RBFOX3: variants seen among roughly 807,000 people sequenced by gnomAD.
RBFOX3 encodes RNA binding protein fox-1 homolog 3.
RBFOX3 carries 17 observed loss-of-function variants against 48.7 expected under a neutral mutation model. The ratio of observed to expected loss-of-function variants is 0.35; its 90% CI spans 0.24 to 0.52. The LOEUF is 0.52. RBFOX3 is among the 20% of genes least tolerant of loss of function. The probability of loss-of-function intolerance (pLI) is 0.94; values close to 1 mark genes in which losing one functional copy is unlikely to be tolerated. For synonymous variants in RBFOX3, 212 were observed against 209.5 expected (o/e 1.01, Z -0.10); for missense variants, 382 against 497.5 (o/e 0.77, Z 2.21).
chr17:79,563,372 G>A (rs954340900), intron 1 of RBFOX3, among the ~76,000 whole-genome samples: 41 of 152,346 alleles, frequency 2.7e-4, no homozygotes, highest in East Asian at 1.2e-3. Context: ...CCTCGCTTCC[G>A]TCTGCAAGGA....
chr17:79,148,074 C>G (rs1040429692), intron 4 of RBFOX3, among the ~76,000 whole-genome samples: 9 of 152,068 alleles, frequency 5.9e-5, no homozygotes, highest in African/African-American at 2.2e-4. Context: ...ATTTCCTCAC[C>G]GTGGGACCCC....
intron 3 of RBFOX3, among the ~76,000 whole-genome samples, chr17:79,253,988 T>C (rs1036341730): frequency 1.3e-5 from 2 of 152,098 alleles, no homozygotes; most frequent in African/African-American, 4.8e-5. Flanking sequence ...ACCTAAGCAC[T>C]TTTCTCTTCC....
intron 4 of RBFOX3, among the ~76,000 whole-genome samples, chr17:79,120,577 G>T (rs1599526371): frequency 6.6e-6 from 1 of 151,334 alleles, no homozygotes; most frequent in East Asian, 1.9e-4. Context: ...ATGGATGGGA[G>T]GGTGGATAAA....
intron 4 of RBFOX3, among the ~76,000 whole-genome samples, chr17:79,188,396 A>G (rs2053841654): frequency 6.6e-6 from 1 of 152,248 alleles, no homozygotes; most frequent in South Asian, 2.1e-4. Flanking sequence ...CGGCGTGCAA[A>G]GGAAGTTTAT....
Position 79,418,090 on chromosome 17 carries a change from G to A in RBFOX3, c.-175+64364C>T, listed in dbSNP as rs1343626473. ...GGAAGGGGGCTTCGTGTTTCCTGGGGACAGAGCTTCAGGTTAGAAAGATGA... is the reference window on the plus strand; with the variant it reads ...GGAAGGGGGCTTCGTGTTTCCTGGGAACAGAGCTTCAGGTTAGAAAGATGA... On this transcript the variant is annotated intron_variant, in intron 2 of 14. Transcript: ENST00000693108. This position sits in a 1 kb window ranked among gnomAD's most constrained non-coding sequence, Gnocchi z 5.0. Among the ~76,000 whole-genome samples, 3 of 152,204 alleles carry A rather than the reference G, an allele frequency of 2.0e-5. No homozygotes were observed. Among genetic ancestry groups the A allele is most frequent in the African/African-American group, 7.2e-5 (3 of 41,454 alleles).
rs372982484 is a variant in RBFOX3, at chr17:79,133,255, C to T, written c.-33-17507G>A. ...GAGGCTGCAGGGGAAACCAGAGGAG[C>T]GGGTCCCTGAGGAGGCCTGGGCCCA... On this transcript the variant is annotated intron_variant, in intron 4 of 14. Transcript: ENST00000693108. Among the ~76,000 whole-genome samples the T allele has an allele frequency of 1.0e-3, 159 of 152,250 alleles. 4 individuals are homozygous for T. The South Asian group carries it at 0.032, about 30-fold the overall frequency.
intron 4 of RBFOX3, among the ~76,000 whole-genome samples, chr17:79,139,293 G>A (rs2041406684): frequency 6.6e-6 from 1 of 152,080 alleles, no homozygotes. Context: ...GCAGGGCTGT[G>A]CCCACCCCAG....
At chr17:79,166,969 A>G (rs2048127120) in intron 4 of RBFOX3, among the ~76,000 whole-genome samples, 1 of 152,228 alleles carries the variant, frequency 6.6e-6, no homozygotes, top group Non-Finnish European at 1.5e-5. Flanking sequence ...ACCAGTGGCC[A>G]TGCCTCCGGG....
At chr17:79,182,193 T>C (rs935639621) in intron 4 of RBFOX3, among the ~76,000 whole-genome samples, 1 of 152,102 alleles carries the variant, frequency 6.6e-6, no homozygotes, top group African/African-American at 2.4e-5. Context: ...CCCCTCTCAC[T>C]GGGCCCTGCA....
At chr17:79,407,899 C>G (rs369265973) in intron 2 of RBFOX3, among the ~76,000 whole-genome samples, 2 of 152,178 alleles carry the variant, frequency 1.3e-5, no homozygotes, top group East Asian at 3.9e-4. Context: ...ATATAAAGAC[C>G]TACTATGCAG....
At chr17:79,517,222 G>A (rs1461609679) in intron 1 of RBFOX3, among the ~76,000 whole-genome samples, 1 of 152,058 alleles carries the variant, frequency 6.6e-6, no homozygotes, top group Non-Finnish European at 1.5e-5. Flanking sequence ...GAGGCAGGTG[G>A]ATTACTTAAG....
chr17:79,256,266 G>A (rs115822284), intron 3 of RBFOX3, among the ~76,000 whole-genome samples: 4,521 of 152,024 alleles, frequency 0.03, 66 homozygotes, highest in East Asian at 0.045. Context: ...CCCATAAACC[G>A]ACCCTTCCTT....
chr17:79,527,890 G>A (rs1052811415), intron 1 of RBFOX3, among the ~76,000 whole-genome samples: 4 of 152,170 alleles, frequency 2.6e-5, no homozygotes, highest in African/African-American at 4.8e-5. Flanking sequence ...CAGCAAAGAG[G>A]CCGATGGAGT....
Position 79,366,676 on chromosome 17 carries a change from G to C in RBFOX3, c.-174-58852C>G, listed in dbSNP as rs752342774. Among the ~76,000 whole-genome samples the C allele has an allele frequency of 2.0e-5, 3 of 152,206 alleles. No individual in the cohort carries two copies. The South Asian group carries it at 6.2e-4, about 31-fold the overall frequency. ...CAGCCCAGCATCTGCTCAACTAGAG[G>C]AGGATGAATGCAGGGCCCCAGCCCA... On this transcript the variant is annotated intron_variant, in intron 2 of 14. Coordinates refer to ENST00000693108, the MANE Select transcript of RBFOX3 (RefSeq NM_001350451.2).
At chr17:79,191,678 C>T (rs538066901) in intron 4 of RBFOX3, among the ~76,000 whole-genome samples, 1 of 152,282 alleles carries the variant, frequency 6.6e-6, no homozygotes, top group East Asian at 1.9e-4. Context: ...TCTAACGAAG[C>T]CTCATGGGAG....
chr17:79,149,340 G>A (rs1477704718), intron 4 of RBFOX3, among the ~76,000 whole-genome samples: 2 of 152,180 alleles, frequency 1.3e-5, no homozygotes, highest in African/African-American at 4.8e-5. Flanking sequence ...AGGCAGTGGG[G>A]GGAGTGGGGG....
At chr17:79,508,735 T>TCCGCACACCCCACACACC in intron 1 of RBFOX3, 1 of 151,708 alleles carries the variant, frequency 6.6e-6, no homozygotes, top group African/African-American at 2.4e-5. Context: ...CACCCCACAC[T>TCCGCACACCCCACACACC]CCGCACACCC....
chr17:79,485,060 A>G (rs895075284), intron 1 of RBFOX3, among the ~76,000 whole-genome samples: 4 of 148,760 alleles, frequency 2.7e-5, no homozygotes, highest in Non-Finnish European at 6.0e-5. Context: ...CAGGTGGTCC[A>G]GGGAGACTCC....
intron 2 of RBFOX3, among the ~76,000 whole-genome samples, chr17:79,458,168 C>T (rs955769655): frequency 6.6e-6 from 1 of 152,240 alleles, no homozygotes. Flanking sequence ...TAGGCAGGCA[C>T]GCAGTGTCTC....
Sources: gnomAD v4.1 joint callset for allele counts (sites outside exome capture counted in the v4.1 genomes callset) on GRCh38, gnomAD v4.1.1 for gene constraint, Gnocchi (gnomAD v3.1) non-coding constraint, MANE v1.5 for transcripts, NCBI Gene and HGNC (gene_info 2026-07-23, HGNC 2026-07-21) for gene names.